The following LPO variants were observed in gnomAD, a reference collection of about 807,000 sequenced individuals.
LPO encodes the protein salivary peroxidase.
In LPO, 70 loss-of-function variants were observed where a neutral mutation model predicts 68.4. The ratio of observed to expected loss-of-function variants is 1.02; its 90% CI spans 0.84 to 1.25. LPO has a LOEUF of 1.25. Ranked by LOEUF, LPO falls within the 50% of genes most tolerant of loss-of-function variation. The pLI, the probability that LPO is intolerant of heterozygous loss-of-function variation, is 0.00. For missense variants in LPO, 873 were observed against 908.4 expected (o/e 0.96, Z 0.50); for synonymous variants, 360 against 357.6 (o/e 1.01, Z -0.08).
At chr17:58,241,199 C>T (rs1969752973) in intron 1 of LPO, among the ~76,000 whole-genome samples, 2 of 147,438 alleles carry the variant, frequency 1.4e-5, no homozygotes, top group South Asian at 4.3e-4. Context: ...CAGCCTCCAC[C>T]TCCCAGGTTC....
intron 1 of LPO, among the ~76,000 whole-genome samples, chr17:58,239,798 T>G (rs1969720950): frequency 1.3e-5 from 2 of 152,166 alleles, no homozygotes; most frequent in Non-Finnish European, 2.9e-5. Flanking sequence ...TTCTATGACC[T>G]TCTGAGTCAG....
chr17:58,251,597 C>A, intron 7 of LPO: 1 of 256,264 alleles, frequency 3.9e-6, no homozygotes, highest in Non-Finnish European at 7.9e-6. Context: ...AAGAATAAAT[C>A]GAGGCTATGT....
intron 9 of LPO, among the ~76,000 whole-genome samples, chr17:58,260,416 C>T (rs1485346601): frequency 6.6e-6 from 1 of 152,158 alleles, no homozygotes; most frequent in Non-Finnish European, 1.5e-5. Context: ...GTGGCTCAAA[C>T]TTCCAATACT....
intron 8 of LPO, among the ~76,000 whole-genome samples, 195 bp downstream of exon 8, chr17:58,252,701 T>C (rs1019971292): frequency 9.9e-5 from 15 of 151,832 alleles, no homozygotes; most frequent in Non-Finnish European, 2.9e-5. Context: ...TAAAACAAAA[T>C]CAGGAAGTCC....
intron 6 of LPO, 41 bp downstream of exon 6, chr17:58,249,736 G>T (rs1381964231): frequency 1.3e-6 from 2 of 1,529,956 alleles, no homozygotes; most frequent in East Asian, 2.4e-5. Flanking sequence ...GGGAGCCAGA[G>T]GGGACGGGAT....
At chr17:58,244,564 A>G (rs1969819960) in intron 3 of LPO, 1 of 160,598 alleles carries the variant, frequency 6.2e-6, no homozygotes, top group East Asian at 1.8e-4. Flanking sequence ...TAGACAAATA[A>G]AGTGGCTTCA....
rs1970313147 is a variant in LPO, at chr17:58,268,220, C to G, written c.*226C>G. ...GCTTCTCCTTTCTGTCAAGACTTAG[C>G]CCCGCTGAGATGCCCTTCTGCTCCA... On this transcript the variant is annotated 3_prime_UTR_variant, in exon 13 of 13. Transcript: ENST00000262290. 1 of 556,964 alleles carries G rather than the reference C, an allele frequency of 1.8e-6. No homozygotes were observed. Among genetic ancestry groups the G allele is most frequent in the Non-Finnish European group, 3.2e-6 (1 of 310,834 alleles). The allele number at this position is 556,964 out of a possible 1,614,324, so 34.5% of individuals were successfully genotyped here.
chr17:58,244,830 G>A (rs1969824544), intron 3 of LPO, among the ~76,000 whole-genome samples: 2 of 152,216 alleles, frequency 1.3e-5, no homozygotes, highest in African/African-American at 4.8e-5. Context: ...ATGCACCCAT[G>A]GCAGCAAGGG....
Position 58,256,928 on chromosome 17 carries a change from A to G in LPO, c.1266+1957A>G, listed in dbSNP as rs576605486. Among the ~76,000 whole-genome samples the G allele has an allele frequency of 7.9e-5, 12 of 151,194 alleles. No homozygotes were observed. The South Asian group carries it at 2.5e-3, about 32-fold the overall frequency. ...CTCTTAAGTTATTTGAAAATGCACA[A>G]TTAAGTTAAATTATTATTAACTATA... On this transcript the variant is annotated intron_variant, in intron 9 of 12. Transcript: ENST00000262290.
At chr17:58,251,864 C>G (rs756132897) in intron 7 of LPO, 4 of 618,240 alleles carry the variant, frequency 6.5e-6, no homozygotes, top group Non-Finnish European at 1.2e-5. Flanking sequence ...TAATTATTAA[C>G]AAACCTGTTC....
At chr17:58,247,288 T>C (rs1355602143) in intron 3 of LPO, among the ~76,000 whole-genome samples, 190 bp from the exon 4 acceptor site, 1 of 152,196 alleles carries the variant, frequency 6.6e-6, no homozygotes, top group Non-Finnish European at 1.5e-5. Flanking sequence ...GCTGAGGAAC[T>C]GAATTTTTAA....
intron 8 of LPO, among the ~76,000 whole-genome samples, chr17:58,253,865 C>T (rs180902328): frequency 4.9e-4 from 74 of 152,272 alleles, no homozygotes; most frequent in Non-Finnish European, 9.0e-4. Context: ...AATCCCAACA[C>T]TTTGGGAGGC....
chr17:58,266,234 T>C lies in LPO; in HGVS notation c.1601T>C (p.Leu534Pro). 3 of 1,614,170 alleles carry C rather than the reference T, an allele frequency of 1.9e-6. No homozygotes were observed. Among genetic ancestry groups the C allele is most frequent in the Non-Finnish European group, 1.7e-6 (2 of 1,180,038 alleles). Residue 534 changes from leucine to proline, a missense_variant, in exon 11 of 13, where the codon CTG (leucine) becomes CCG (proline). Coordinates refer to ENST00000262290, the MANE Select transcript of LPO (RefSeq NM_006151.3). ...CAGAATAAAATGATGACTGGAGAGC[T>C]GCGCAACAAGCTTTTCCAGCCAACT... ...MKQNKMMTGE[L>P]RNKLFQPTHR...
In LPO at chr17:58,250,352, G is replaced by A. The variant is rs1421539403; in HGVS notation, c.574-63G>A. 20 of 1,268,608 alleles carry A rather than the reference G, an allele frequency of 1.6e-5. No homozygotes were observed. In the East Asian group the frequency reaches 2.1e-4, roughly 13 times the overall value. The allele number at this position is 1,268,608 out of a possible 1,614,324, so 78.6% of individuals were successfully genotyped here. On this transcript the variant is annotated intron_variant, in intron 6 of 12. Transcript: ENST00000262290. ...GGTAGGTAGTTAATAAGCTGTAGTT[G>A]CATCTGAATCCTCAAAGCACTTTTT...
chr17:58,259,650 A>T (rs907973568), intron 9 of LPO, among the ~76,000 whole-genome samples: 2 of 152,346 alleles, frequency 1.3e-5, no homozygotes, highest in Admixed American at 1.3e-4. Flanking sequence ...TTAAAATTAT[A>T]TATACATTTA....
At chr17:58,244,258 G>A (rs1969813726) in intron 3 of LPO, 177 bp downstream of exon 3, 2 of 612,388 alleles carry the variant, frequency 3.3e-6, no homozygotes, top group Non-Finnish European at 5.9e-6. Flanking sequence ...ACAAGTAGGA[G>A]CAATAGCCCA....
intron 9 of LPO, among the ~76,000 whole-genome samples, chr17:58,259,731 AT>A (rs1349114077): frequency 6.6e-6 from 1 of 152,110 alleles, no homozygotes; most frequent in African/African-American, 2.4e-5. Context: ...CAATCTTTAG[AT>A]TTTTTATTTC....
At chr17:58,256,141 T>G (rs1376384021) in intron 9 of LPO, among the ~76,000 whole-genome samples, 8 of 152,210 alleles carry the variant, frequency 5.3e-5, no homozygotes, top group Non-Finnish European at 1.2e-4. Flanking sequence ...GCATAATATC[T>G]TTGAGGCTCA....
intron 9 of LPO, among the ~76,000 whole-genome samples, chr17:58,259,842 A>G (rs1023918130): frequency 1.3e-5 from 2 of 152,214 alleles, no homozygotes; most frequent in Non-Finnish European, 2.9e-5. Context: ...TTTTGTTTTG[A>G]GACGGAGTCT....
Sources: allele counts gnomAD v4.1 joint callset (sites outside exome capture counted in the v4.1 genomes callset), GRCh38; gene constraint gnomAD v4.1.1; transcripts MANE v1.5; gene names NCBI Gene and HGNC (gene_info 2026-07-23, HGNC 2026-07-21).